CRADD: variants seen among roughly 807,000 people sequenced by gnomAD.
The protein encoded by CRADD is death domain-containing protein CRADD.
A neutral mutation model predicts 15.5 loss-of-function variants in CRADD; 9 were observed. The ratio of observed to expected loss-of-function variants is 0.58; its 90% confidence interval spans 0.35 to 1.01. CRADD has a LOEUF of 1.01. Ranked by LOEUF, CRADD falls within the 50% of genes least tolerant of loss-of-function variation. The pLI is 0.02. For synonymous variants in CRADD, 118 were observed against 107.6 expected (o/e 1.10, Z -0.60); for missense variants, 227 against 250.3 (o/e 0.91, Z 0.63).
chr12:93,879,639 T>A lies in CRADD; in HGVS notation c.299-14411T>A, dbSNP rs149148931. On this transcript the variant is annotated intron_variant, in intron 2 of 2. Transcript: ENST00000548483. ...AGGGAAAGTTACCTTTTAGAGCACC[T>A]CAGGGCATTTCACACCTGTCCCAGG... is the stretch of plus-strand genomic sequence containing the variant. Among the ~76,000 whole-genome samples the A allele has an allele frequency of 9.1e-4, 138 of 152,302 alleles. 1 individual carries two copies. Among genetic ancestry groups the A allele is most frequent in the African/African-American group, 3.2e-3 (133 of 41,560 alleles).
intron 2 of CRADD, among the ~76,000 whole-genome samples, chr12:93,764,499 T>A (rs746482113): frequency 2.4e-4 from 37 of 152,262 alleles, no homozygotes; most frequent in South Asian, 8.3e-4. Context: ...GATTTCTTAG[T>A]CCTCTTATTG....
At chr12:93,803,606 C>A (rs962287499) in intron 2 of CRADD, among the ~76,000 whole-genome samples, 1 of 152,158 alleles carries the variant, frequency 6.6e-6, no homozygotes, top group Non-Finnish European at 1.5e-5. Flanking sequence ...CTCGGGAGAT[C>A]TGTCTCTCCT....
intron 2 of CRADD, among the ~76,000 whole-genome samples, chr12:93,697,329 C>T (rs181319713): frequency 8.5e-5 from 13 of 152,338 alleles, no homozygotes; most frequent in African/African-American, 2.9e-4. Flanking sequence ...CTTTGGCATT[C>T]TGCTGCGGGA....
intron 2 of CRADD, among the ~76,000 whole-genome samples, chr12:93,865,075 C>T (rs1359509361): frequency 1.3e-5 from 2 of 152,186 alleles, no homozygotes; most frequent in Admixed American, 6.5e-5. Flanking sequence ...TAGACCAGAA[C>T]GTTCCAACAC....
At position 93,768,528 on chromosome 12, in the gene CRADD, T is replaced by C. The variant is rs922109585; in HGVS notation, c.299-81442T>C. Among the ~76,000 whole-genome samples, 3 of 152,128 alleles carry C rather than the reference T, an allele frequency of 2.0e-5. No individual in the cohort carries two copies. In the East Asian group the frequency reaches 5.8e-4, roughly 29 times the overall value. ...TATGAATCCTCACTTTCACTAGCTT[T>C]TGAAATTAAGCAATTAACTTCTGAT... On this transcript the variant is annotated intron_variant, in intron 2 of 2. Coordinates refer to ENST00000332896, the MANE Select transcript of CRADD (RefSeq NM_003805.5).
chr12:93,879,117 GGTCTTCCAAATCACT>G (rs1307488511), intron 2 of CRADD, among the ~76,000 whole-genome samples: 5 of 151,528 alleles, frequency 3.3e-5, no homozygotes, highest in African/African-American at 1.2e-4. Context: ...ACCTTGATTT[GGTCTTCCAAATCACT>G]GTTGTCTTTT....
intron 2 of CRADD, among the ~76,000 whole-genome samples, chr12:93,750,530 T>C (rs951488896): frequency 3.3e-5 from 5 of 151,188 alleles, no homozygotes; most frequent in Non-Finnish European, 7.4e-5. Context: ...TAACAAAAAA[T>C]ACATACAAAA....
chr12:93,683,833 A>G (rs2136795185), intron 2 of CRADD, among the ~76,000 whole-genome samples: 1 of 152,346 alleles, frequency 6.6e-6, no homozygotes, highest in South Asian at 2.1e-4. Flanking sequence ...TTCTTTTCAT[A>G]GGTTCCTCCA....
intron 2 of CRADD, among the ~76,000 whole-genome samples, chr12:93,754,176 G>C (rs562822815): frequency 8.1e-4 from 123 of 152,364 alleles, no homozygotes; most frequent in African/African-American, 2.9e-3. Context: ...CATGACCCAA[G>C]CTCTACCTTG....
At chr12:93,854,035 A>G (rs759243729), downstream of CRADD, among the ~76,000 whole-genome samples, 1 of 152,240 alleles carries the variant, frequency 6.6e-6, no homozygotes, top group Non-Finnish European at 1.5e-5. Flanking sequence ...AGCGCCAAAC[A>G]TATTTTAATT....
At chr12:93,865,917 T>C (rs1958363638) in intron 2 of CRADD, among the ~76,000 whole-genome samples, 2 of 152,192 alleles carry the variant, frequency 1.3e-5, no homozygotes, top group Admixed American at 6.5e-5. Flanking sequence ...GAAAAGACTT[T>C]ATTTTATTTG....
chr12:93,763,316 A>T (rs1186826877), intron 2 of CRADD, among the ~76,000 whole-genome samples: 1 of 152,148 alleles, frequency 6.6e-6, no homozygotes, highest in Non-Finnish European at 1.5e-5. Context: ...AGTCCTTGGT[A>T]TGAACTTGGG....
intron 2 of CRADD, among the ~76,000 whole-genome samples, chr12:93,827,193 A>G (rs757239555): frequency 6.6e-6 from 1 of 152,138 alleles, no homozygotes; most frequent in Non-Finnish European, 1.5e-5. Context: ...CACTCCTAAA[A>G]GTTTTCTCAT....
chr12:93,768,183 T>C (rs1365899439), intron 2 of CRADD, among the ~76,000 whole-genome samples: 2 of 152,206 alleles, frequency 1.3e-5, no homozygotes, highest in African/African-American at 4.8e-5. Flanking sequence ...CCACTAAAAT[T>C]AGGTTGAATG....
At chr12:93,801,412 T>G (rs1435259198) in intron 2 of CRADD, among the ~76,000 whole-genome samples, 1 of 152,224 alleles carries the variant, frequency 6.6e-6, no homozygotes, top group East Asian at 1.9e-4. Flanking sequence ...TTTATCTATT[T>G]TTTTGAGACG....
chr12:93,831,017 G>C (rs1269371760), intron 2 of CRADD: 1 of 152,150 alleles, frequency 6.6e-6, no homozygotes. Flanking sequence ...GGGCATATTT[G>C]AATTCACTAA....
At chr12:93,810,674 C>A (rs1462521777) in intron 2 of CRADD, among the ~76,000 whole-genome samples, 5 of 150,186 alleles carry the variant, frequency 3.3e-5, no homozygotes, top group Non-Finnish European at 7.4e-5. Flanking sequence ...TACTCCTAGC[C>A]TCCTTGTGAA....
At chr12:93,878,697 C>A (rs1958474718) in intron 2 of CRADD, among the ~76,000 whole-genome samples, 1 of 152,186 alleles carries the variant, frequency 6.6e-6, no homozygotes, top group Non-Finnish European at 1.5e-5. Flanking sequence ...CTGGCTAGGG[C>A]TGGTTTAAAT....
In CRADD at chr12:93,848,248, G is replaced by T. The variant is rs146172645; in HGVS notation, c.299-1722G>T. ...GTAGTGTCATCAGTATTCTAATTGC[G>T]TCATAGTCATTGTTTTTTAAATTGT... On this transcript the variant is annotated intron_variant, in intron 2 of 2. Transcript: ENST00000332896. Among the ~76,000 whole-genome samples, 756 of 151,878 alleles carry T rather than the reference G, an allele frequency of 5.0e-3. 6 individuals are homozygous for T. The highest frequency in any genetic ancestry group is 0.018 in the African/African-American group (726 of 41,402).
Sources: gnomAD v4.1 joint callset for allele counts (sites outside exome capture counted in the v4.1 genomes callset) on GRCh38, gnomAD v4.1.1 for gene constraint, MANE v1.5 for transcripts, NCBI Gene and HGNC (gene_info 2026-07-23, HGNC 2026-07-21) for gene names.